Variants in PARD3B observed in about 807,000 individuals in gnomAD.
PARD3B encodes par-3 family cell polarity regulator beta.
PARD3B carries 103 observed loss-of-function variants against 130.2 expected under a neutral mutation model. That is an observed-to-expected ratio of 0.79 (90% CI 0.67 to 0.93). The LOEUF is 0.93. Among genes scored for constraint, PARD3B ranks in the 40% least tolerant of loss-of-function variants. The pLI is 0.00. For missense variants in PARD3B, 1,609 were observed against 1,499.2 expected (o/e 1.07, Z -1.21); for synonymous variants, 583 against 553.2 (o/e 1.05, Z -0.76).
At chr2:205,609,376 G>T (rs778553692) in intron 22 of PARD3B, among the ~76,000 whole-genome samples, 1 of 152,166 alleles carries the variant, frequency 6.6e-6, no homozygotes, top group Non-Finnish European at 1.5e-5. Context: ...TAATCTATGT[G>T]TGGCATGCTC....
At chr2:205,185,966 G>A in intron 14 of PARD3B, 103 bp downstream of exon 14, 5 of 974,980 alleles carry the variant, frequency 5.1e-6, no homozygotes, top group Non-Finnish European at 6.5e-6. Flanking sequence ...TTTCTTTCTG[G>A]AATGGAAATC....
At chr2:204,795,264 G>A (rs1019711045) in intron 2 of PARD3B, among the ~76,000 whole-genome samples, 1 of 152,178 alleles carries the variant, frequency 6.6e-6, no homozygotes, top group Non-Finnish European at 1.5e-5. Context: ...TGGGCAAACA[G>A]ATTGATAGTG....
At chr2:204,636,459 T>A (rs977483906) in intron 1 of PARD3B, among the ~76,000 whole-genome samples, 74 of 147,530 alleles carry the variant, frequency 5.0e-4, no homozygotes, top group Non-Finnish European at 9.2e-4. Flanking sequence ...GGTGAGTGTG[T>A]GTGTGTGTGT....
chr2:204,566,953 A>T (rs2031708729), intron 1 of PARD3B, among the ~76,000 whole-genome samples: 1 of 149,878 alleles, frequency 6.7e-6, no homozygotes. Context: ...ATCTTGGCTC[A>T]CTGCAACCTC....
At chr2:205,360,816 C>T (rs895136434) in intron 18 of PARD3B, among the ~76,000 whole-genome samples, 6 of 152,210 alleles carry the variant, frequency 3.9e-5, no homozygotes, top group African/African-American at 1.4e-4. Flanking sequence ...ATGTCCCAGA[C>T]ACACGGAAAG....
rs200111751 is a variant in PARD3B at position 204,562,103 on chromosome 2, CAA to C, written c.120+15987_120+15988del. On this transcript the variant is annotated intron_variant, in intron 1 of 22. Transcript: ENST00000406610. ...CCCGTGCCCCACCCCCAGCCTGAAA[CAA>C]AAGTTTCAGGAGAGTACTTACCTTT... Among the ~76,000 whole-genome samples, 1,032 of 152,208 alleles carry C rather than the reference CAA, an allele frequency of 6.8e-3. 11 individuals are homozygous for C. Among genetic ancestry groups the C allele is most frequent in the African/African-American group, 0.023 (938 of 41,542 alleles).
chr2:205,009,944 G>A (rs932143019), intron 3 of PARD3B, among the ~76,000 whole-genome samples: 1 of 152,136 alleles, frequency 6.6e-6, no homozygotes, highest in South Asian at 2.1e-4. Context: ...CTTTACAATG[G>A]TATCTCACCT....
chr2:205,354,020 CTTTTCCTTTTTT>C (rs1165181174), intron 18 of PARD3B, among the ~76,000 whole-genome samples: 37 of 114,574 alleles, frequency 3.2e-4, no homozygotes, highest in East Asian at 2.0e-3. Context: ...TTTTTCTTTT[CTTTTCCTTTTTT>C]TTTTTTTTTT....
At chr2:204,984,710 G>T (rs923539881) in intron 3 of PARD3B, among the ~76,000 whole-genome samples, 2 of 151,976 alleles carry the variant, frequency 1.3e-5, no homozygotes, top group African/African-American at 4.8e-5. Context: ...GGAGGAGAAG[G>T]GCCATTTTTG....
At chr2:204,607,859 G>A (rs1441253516) in intron 1 of PARD3B, among the ~76,000 whole-genome samples, 3 of 152,138 alleles carry the variant, frequency 2.0e-5, no homozygotes, top group East Asian at 3.9e-4. Context: ...TGATCTAGAT[G>A]ACTGGAAGAA....
Position 205,253,917 on chromosome 2 carries a change from G to A in PARD3B, c.2185+8095G>A, listed in dbSNP as rs1317156358. Among the ~76,000 whole-genome samples the A allele has an allele frequency of 6.6e-6, 1 of 151,958 alleles. No individual in the cohort carries two copies. Among genetic ancestry groups the A allele is most frequent in the East Asian group, 1.9e-4 (1 of 5,172 alleles). ...AGAAAACAAAAACAAAAACACCACA[G>A]AGGTGGTTTGAAAGAAGAGGTTGGG... On this transcript the variant is annotated intron_variant, in intron 16 of 22. Coordinates refer to ENST00000406610, the MANE Select transcript of PARD3B (RefSeq NM_001302769.2). The surrounding 1 kb of genome is among the most constrained non-coding windows in gnomAD (Gnocchi z 4.4).
chr2:205,348,897 G>T (rs1158111791), intron 18 of PARD3B, among the ~76,000 whole-genome samples: 3 of 152,092 alleles, frequency 2.0e-5, no homozygotes, highest in African/African-American at 7.2e-5. Flanking sequence ...AGTCTTAGAT[G>T]GTGCTACAAG....
In PARD3B at chr2:205,343,969, T is replaced by G. The variant is rs148636744; in HGVS notation, c.2630+42268T>G. 3.0e-3 allele frequency among the ~76,000 whole-genome samples: 460 copies of G among 152,258 alleles called. 3 individuals are homozygous for G. The highest frequency in any genetic ancestry group is 0.011 in the African/African-American group (447 of 41,526). On this transcript the variant is annotated intron_variant, in intron 18 of 22. Transcript: ENST00000406610. ...CCATGAACTTTCTTTTCTTTTCTTC[T>G]CTTTTAAGTGGGGGAAGAGTATCGT... is the stretch of plus-strand genomic sequence containing the variant.
chr2:205,280,989 AACTTT>A lies in PARD3B; in HGVS notation c.2186-19536_2186-19532del, dbSNP rs1023669220. Among the ~76,000 whole-genome samples, 5 of 152,188 alleles carry A rather than the reference AACTTT, an allele frequency of 3.3e-5. No individual in the cohort carries two copies. The highest frequency in any genetic ancestry group is 5.9e-5 in the Non-Finnish European group (4 of 68,028). On this transcript the variant is annotated intron_variant, in intron 16 of 22. Transcript: ENST00000406610. This position sits in a 1 kb window ranked among gnomAD's most constrained non-coding sequence, Gnocchi z 4.7. ...CAGTATTTTAAAAGCCATAAATTTTAACTTTACTTATGAGCAAAGGCTGAAACACT... is the reference window on the plus strand; with the variant it reads ...CAGTATTTTAAAAGCCATAAATTTTAACTTATGAGCAAAGGCTGAAACACT...
intron 21 of PARD3B, among the ~76,000 whole-genome samples, chr2:205,512,969 A>G (rs1314709906): frequency 1.4e-5 from 2 of 146,898 alleles, no homozygotes; most frequent in African/African-American, 5.0e-5. Flanking sequence ...TTTTATATCT[A>G]TCATCTACTT....
At chr2:205,328,707 G>C (rs1195387297) in intron 18 of PARD3B, among the ~76,000 whole-genome samples, 1 of 151,930 alleles carries the variant, frequency 6.6e-6, no homozygotes, top group African/African-American at 2.4e-5. Flanking sequence ...AATACATATG[G>C]GATCACCACA....
At chr2:205,007,913 G>T (rs1695406709) in intron 3 of PARD3B, among the ~76,000 whole-genome samples, 1 of 152,004 alleles carries the variant, frequency 6.6e-6, no homozygotes, top group African/African-American at 2.4e-5. Context: ...TTACCTCCTT[G>T]GTTAAATACA....
chr2:205,160,975 G>T lies in PARD3B; in HGVS notation c.1620+2068G>T, dbSNP rs1183751738. Among the ~76,000 whole-genome samples, 1 of 152,134 alleles carries T rather than the reference G, an allele frequency of 6.6e-6. No individual in the cohort carries two copies. Among genetic ancestry groups the T allele is most frequent in the Non-Finnish European group, 1.5e-5 (1 of 68,016 alleles). The stretch of plus-strand genomic sequence containing the variant: ...GGGCCTGTTCGCCTGGAGGTGTCTT[G>T]TATGGTGCTATCATCCTTAGCCAAG... On this transcript the variant is annotated intron_variant, in intron 11 of 22. Coordinates refer to ENST00000406610, the MANE Select transcript of PARD3B (RefSeq NM_001302769.2). The surrounding 1 kb of genome is among the most constrained non-coding windows in gnomAD (Gnocchi z 4.0).
chr2:205,614,043 C>T (rs561095209), intron 22 of PARD3B, among the ~76,000 whole-genome samples: 7 of 151,978 alleles, frequency 4.6e-5, no homozygotes, highest in Admixed American at 3.9e-4. Context: ...GGGGGAGTGG[C>T]AAAAAAATGG....
Sources: allele counts gnomAD v4.1 joint callset (sites outside exome capture counted in the v4.1 genomes callset), GRCh38; gene constraint gnomAD v4.1.1; non-coding constraint Gnocchi (gnomAD v3.1); transcripts MANE v1.5; gene names NCBI Gene and HGNC (gene_info 2026-07-23, HGNC 2026-07-21).